Variants in CNTN1 observed in about 807,000 individuals in gnomAD.
CNTN1 encodes contactin 1.
In CNTN1, 38 loss-of-function variants were observed where a neutral mutation model predicts 126.4. That is an observed-to-expected ratio of 0.30 (90% CI 0.23 to 0.39). CNTN1 has a LOEUF of 0.39. CNTN1 is among the 10% of genes least tolerant of loss of function. CNTN1 has a pLI of 1.00. For synonymous variants in CNTN1, 413 were observed against 422.6 expected (o/e 0.98, Z 0.28); for missense variants, 1,009 against 1,248.4 (o/e 0.81, Z 2.89).
At chr12:40,795,224 C>T (rs954895306) in intron 1 of CNTN1, among the ~76,000 whole-genome samples, 13 of 151,428 alleles carry the variant, frequency 8.6e-5, no homozygotes, top group East Asian at 3.9e-4. Context: ...ACACCCACAT[C>T]CTCTGAACCA....
intron 4 of CNTN1, 66 bp downstream of exon 4, chr12:40,918,837 G>A: frequency 6.4e-7 from 1 of 1,571,046 alleles, no homozygotes. Flanking sequence ...CAGCATCTAT[G>A]AACTTGTACA....
chr12:40,746,224 T>C (rs879793628), intron 1 of CNTN1, among the ~76,000 whole-genome samples: 1 of 152,148 alleles, frequency 6.6e-6, no homozygotes, highest in Admixed American at 6.6e-5. Context: ...CAAATTATAC[T>C]TAACTGTTAA....
At chr12:40,985,069 A>T (rs74586039) in intron 16 of CNTN1, among the ~76,000 whole-genome samples, 1 of 152,026 alleles carries the variant, frequency 6.6e-6, no homozygotes, top group Non-Finnish European at 1.5e-5. Context: ...TTTTTGTAAG[A>T]TAAGTCTTTT....
At chr12:41,004,173 C>T (rs1432050902) in intron 17 of CNTN1, among the ~76,000 whole-genome samples, 1 of 151,954 alleles carries the variant, frequency 6.6e-6, no homozygotes, top group Non-Finnish European at 1.5e-5. Flanking sequence ...AATATCTTCT[C>T]GATTTCTGCT....
chr12:40,753,186 A>C (rs953306524), intron 1 of CNTN1, among the ~76,000 whole-genome samples: 90 of 152,026 alleles, frequency 5.9e-4, no homozygotes, highest in African/African-American at 2.2e-3. Flanking sequence ...AGAGAGGCAA[A>C]CCTTATTCTT....
At chr12:40,923,434 AG>A (rs911203567) in intron 5 of CNTN1, among the ~76,000 whole-genome samples, 11 of 152,302 alleles carry the variant, frequency 7.2e-5, no homozygotes, top group African/African-American at 2.4e-4. Flanking sequence ...GGAGGGAATG[AG>A]AAAGGTCCAG....
chr12:40,721,457 C>A (rs1250410362), intron 1 of CNTN1, among the ~76,000 whole-genome samples: 2 of 152,000 alleles, frequency 1.3e-5, no homozygotes, highest in African/African-American at 4.8e-5. Flanking sequence ...AAAAATTTGA[C>A]TTTGATTCTC....
intron 1 of CNTN1, among the ~76,000 whole-genome samples, chr12:40,755,741 G>A (rs1408075520): frequency 1.3e-5 from 2 of 151,958 alleles, no homozygotes; most frequent in Admixed American, 1.3e-4. Context: ...ACTTCCTGGA[G>A]TGATTAGAGT....
At chr12:40,715,456 A>G (rs936181708) in intron 1 of CNTN1, among the ~76,000 whole-genome samples, 8 of 152,226 alleles carry the variant, frequency 5.3e-5, no homozygotes, top group African/African-American at 1.9e-4. Context: ...TAACATTACT[A>G]ATTTTTTTTA....
intron 14 of CNTN1, among the ~76,000 whole-genome samples, chr12:40,946,466 C>T (rs1196100805): frequency 6.6e-6 from 1 of 152,062 alleles, no homozygotes; most frequent in Non-Finnish European, 1.5e-5. Context: ...ATGCCATAAG[C>T]AGACACAGTT....
intron 14 of CNTN1, among the ~76,000 whole-genome samples, chr12:40,951,716 A>T (rs12822362): frequency 4.5e-5 from 6 of 134,778 alleles, no homozygotes; most frequent in South Asian, 2.4e-4. Context: ...CTCAAAATTT[A>T]AAAAAAAAAA....
At chr12:41,013,058 C>T (rs549028269) in intron 17 of CNTN1, among the ~76,000 whole-genome samples, 7 of 152,104 alleles carry the variant, frequency 4.6e-5, no homozygotes, top group East Asian at 1.9e-4. Context: ...GACTGGCTGG[C>T]GTTGAATGCG....
rs1181294526 is a variant in CNTN1, at chr12:40,993,183, A to G, written c.2027A>G (p.Glu676Gly). 3 of 1,613,710 alleles carry G rather than the reference A, an allele frequency of 1.9e-6. No individual in the cohort carries two copies. Among genetic ancestry groups the G allele is most frequent in the South Asian group, 1.1e-5 (1 of 91,076 alleles). The part of the protein sequence containing the change: ...ARAVDLIPWM[E>G]YEFRVVATNT... ...GCAGTGGACTTAATCCCATGGATGG[A>G]GTATGAATTCCGCGTGGTAGCAACC... is the stretch of plus-strand genomic sequence containing the variant. The change falls in exon 17 of 24, where the codon GAG becomes GGG. Residue 676 changes from glutamate to glycine, a missense_variant. Glu to Gly is a moderately conservative substitution (Grantham distance 98, BLOSUM62 -2). Transcript: ENST00000551295.
At chr12:40,819,871 T>G (rs1262334247) in intron 1 of CNTN1, among the ~76,000 whole-genome samples, 3 of 152,140 alleles carry the variant, frequency 2.0e-5, no homozygotes, top group African/African-American at 7.2e-5. Flanking sequence ...CCCAGCTGGG[T>G]ATCGTGCTCA....
chr12:40,772,221 C>T (rs1326881111), intron 1 of CNTN1, among the ~76,000 whole-genome samples: 1 of 151,990 alleles, frequency 6.6e-6, no homozygotes, highest in African/African-American at 2.4e-5. Context: ...AAATTGCCTT[C>T]AAGTATTTGT....
At chr12:41,015,835 G>T (rs1948767393) in intron 18 of CNTN1, among the ~76,000 whole-genome samples, 1 of 152,104 alleles carries the variant, frequency 6.6e-6, no homozygotes, top group Admixed American at 6.5e-5. Context: ...AATAATAGGT[G>T]ATTAGGGCTG....
intron 23 of CNTN1, among the ~76,000 whole-genome samples, chr12:41,044,220 A>G (rs1308578799): frequency 6.6e-6 from 1 of 151,990 alleles, no homozygotes; most frequent in Non-Finnish European, 1.5e-5. Context: ...CAGAAAGGCT[A>G]GGATGTTAGC....
rs758089341 is a variant in CNTN1 at position 41,027,844 on chromosome 12, C to T, written c.2711-13C>T. ...TATAGTGACCACTGATTGCATATTA[C>T]TACTTTTCACAGCTCCTAGCCAGCC... is the stretch of plus-strand genomic sequence containing the variant. On this transcript the variant is annotated splice_polypyrimidine_tract_variant and intron_variant, in intron 21 of 23. Transcript: ENST00000551295. 2.6e-6 allele frequency: 4 copies of T among 1,536,360 alleles called. No homozygotes were observed. The highest frequency in any genetic ancestry group is 2.7e-6 in the Non-Finnish European group (3 of 1,109,358).
chr12:40,791,589 C>G (rs1246282034), intron 1 of CNTN1, among the ~76,000 whole-genome samples: 1 of 152,054 alleles, frequency 6.6e-6, no homozygotes, highest in African/African-American at 2.4e-5. Flanking sequence ...AGTCATACAC[C>G]TATATTTTAT....
Sources: gnomAD v4.1 joint callset for allele counts (sites outside exome capture counted in the v4.1 genomes callset) on GRCh38, gnomAD v4.1.1 for gene constraint, MANE v1.5 for transcripts, NCBI Gene and HGNC (gene_info 2026-07-23, HGNC 2026-07-21) for gene names.